ADARB2: variants seen among roughly 807,000 people sequenced by gnomAD.
The protein encoded by ADARB2 is adenosine deaminase RNA specific B2 (inactive), also known as inactive double-stranded RNA-specific editase B2.
Under a neutral mutation model 62.2 loss-of-function variants are expected in ADARB2, and 25 were observed. That is an observed-to-expected ratio of 0.40 (90% CI 0.29 to 0.56). ADARB2 has a LOEUF of 0.56. ADARB2 is among the 20% of genes least tolerant of loss of function. The pLI is 0.43. For synonymous variants in ADARB2, 572 were observed against 500.8 expected, an observed-to-expected ratio of 1.14 and a Z score of -1.90; for missense variants, 1,071 against 1,077.4, an observed-to-expected ratio of 0.99 and a Z score of 0.08.
In ADARB2 at chr10:1,310,391, A is replaced by G. The variant is rs1200497924; in HGVS notation, c.1078-39322T>C. Among the ~76,000 whole-genome samples the G allele has an allele frequency of 2.8e-5, 4 of 143,206 alleles. No homozygotes were observed. The South Asian group carries it at 8.4e-4, about 30-fold the overall frequency. The allele number at this position is 143,206 out of a possible 152,430, so 93.9% of individuals were successfully genotyped here. On this transcript the variant is annotated intron_variant, in intron 3 of 9. Coordinates refer to ENST00000381312, the MANE Select transcript of ADARB2 (RefSeq NM_018702.4). ...AAAAACTTCATTGACTCTGAATAAC[A>G]TTCCTTCATTGACTCTGAATAACAT...
chr10:1,656,799 G>T (rs1013463339), intron 1 of ADARB2, among the ~76,000 whole-genome samples: 7 of 152,030 alleles, frequency 4.6e-5, no homozygotes, highest in African/African-American at 1.7e-4. Context: ...ATATGGGAAG[G>T]TTATCTTAAA....
At chr10:1,220,231 A>ATGGTGGTGATAATGG in intron 6 of ADARB2, among the ~76,000 whole-genome samples, 1 of 113,758 alleles carries the variant, frequency 8.8e-6, no homozygotes, top group Admixed American at 9.1e-5. Flanking sequence ...GATGGTGATG[A>ATGGTGGTGATAATGG]TGGTGGTGAT....
intron 4 of ADARB2, among the ~76,000 whole-genome samples, chr10:1,258,086 T>C (rs143632147): frequency 3.3e-4 from 50 of 152,330 alleles, no homozygotes; most frequent in Middle Eastern, 3.4e-3. Flanking sequence ...TGAAGCTTCT[T>C]TCTTCCTTCT....
Position 1,255,651 on chromosome 10 carries a change from T to C in ADARB2, c.1193-13352A>G, listed in dbSNP as rs1233843735. Reference sequence around the variant, plus strand: ...TTCTCCAAACCTGATGGGCTGTCGGTGAGGTTAGAGGTAAGAGGGAGGAAA... The same window carrying C: ...TTCTCCAAACCTGATGGGCTGTCGGCGAGGTTAGAGGTAAGAGGGAGGAAA... On this transcript the variant is annotated intron_variant, in intron 4 of 9. Transcript: ENST00000381312. The surrounding 1 kb of genome is among the most constrained non-coding windows in gnomAD (Gnocchi z 4.7). Among the ~76,000 whole-genome samples the C allele has an allele frequency of 2.6e-5, 4 of 152,046 alleles. No homozygotes were observed. The highest frequency in any genetic ancestry group is 4.8e-5 in the African/African-American group (2 of 41,410).
chr10:1,428,039 C>T (rs547221957), intron 1 of ADARB2, among the ~76,000 whole-genome samples: 46 of 151,018 alleles, frequency 3.0e-4, no homozygotes, highest in Non-Finnish European at 5.5e-4. Flanking sequence ...ATCTTGATCT[C>T]GGCTCACTGC....
At chr10:1,375,192 A>C (rs138541647) in intron 2 of ADARB2, among the ~76,000 whole-genome samples, 1 of 152,330 alleles carries the variant, frequency 6.6e-6, no homozygotes, top group Non-Finnish European at 1.5e-5. Flanking sequence ...CCTTGGGCTC[A>C]GCTGGTCCTC....
At chr10:1,736,477 G>C (rs925281501) in intron 1 of ADARB2, among the ~76,000 whole-genome samples, 1 of 152,164 alleles carries the variant, frequency 6.6e-6, no homozygotes, top group Non-Finnish European at 1.5e-5. Context: ...CTGTTTTCCT[G>C]TATTCATTTC....
At chr10:1,505,797 C>T (rs528283901) in intron 1 of ADARB2, among the ~76,000 whole-genome samples, 8 of 152,312 alleles carry the variant, frequency 5.3e-5, no homozygotes, top group Admixed American at 2.0e-4. Context: ...CCGTCCCCAC[C>T]GTCTGCACTC....
rs17156784 is a variant in ADARB2, at chr10:1,711,995, T to C, written c.100+25056A>G. Among the ~76,000 whole-genome samples the C allele has an allele frequency of 0.014, 2,185 of 152,358 alleles. 139 individuals carry two copies. The East Asian group carries it at 0.18, about 13-fold the overall frequency. ...GCTTATTCATTTAATGTTAGATGGA[T>C]GTTGACTTTGGATTTTCCAGCCTTC... On this transcript the variant is annotated intron_variant, in intron 1 of 9. Coordinates refer to ENST00000381312, the MANE Select transcript of ADARB2 (RefSeq NM_018702.4).
intron 1 of ADARB2, among the ~76,000 whole-genome samples, chr10:1,399,824 A>G (rs979140569): frequency 3.3e-5 from 5 of 152,196 alleles, no homozygotes; most frequent in African/African-American, 1.2e-4. Flanking sequence ...TAATGAAACA[A>G]AGGGAAGAAA....
At chr10:1,427,196 G>A (rs778896544) in intron 1 of ADARB2, among the ~76,000 whole-genome samples, 21 of 152,364 alleles carry the variant, frequency 1.4e-4, no homozygotes, top group Non-Finnish European at 2.8e-4. Context: ...GTGATGCTGA[G>A]TACAATTCAT....
chr10:1,661,798 A>G (rs191671770), intron 1 of ADARB2, among the ~76,000 whole-genome samples: 199 of 152,262 alleles, frequency 1.3e-3, no homozygotes, highest in African/African-American at 4.6e-3. Context: ...ACTTTCACAC[A>G]CTTGCCCTAA....
At chr10:1,574,942 C>G (rs970007885) in intron 1 of ADARB2, among the ~76,000 whole-genome samples, 3 of 40,106 alleles carry the variant, frequency 7.5e-5, no homozygotes, top group African/African-American at 1.2e-4. Flanking sequence ...GCCAGGAGAT[C>G]CAGGGGCAGC....
intron 1 of ADARB2, among the ~76,000 whole-genome samples, chr10:1,437,721 G>A (rs560829018): frequency 1.4e-4 from 22 of 151,794 alleles, no homozygotes; most frequent in Non-Finnish European, 2.1e-4. Context: ...TTTGGACAGC[G>A]ATAGCGGGTC....
chr10:1,504,960 GACACAC>G (rs979110660), intron 1 of ADARB2, among the ~76,000 whole-genome samples: 1 of 151,264 alleles, frequency 6.6e-6, no homozygotes, highest in African/African-American at 2.4e-5. Flanking sequence ...AGACACACAT[GACACAC>G]ACAGACACAC....
intron 7 of ADARB2, among the ~76,000 whole-genome samples, chr10:1,206,373 G>A (rs1005556359): frequency 3.3e-5 from 5 of 151,832 alleles, no homozygotes; most frequent in South Asian, 2.1e-4. Flanking sequence ...GAACTGGGGC[G>A]TCTCCTTGAA....
chr10:1,206,916 T>A (rs192507475), intron 7 of ADARB2, among the ~76,000 whole-genome samples: 1 of 152,338 alleles, frequency 6.6e-6, no homozygotes, highest in East Asian at 1.9e-4. Context: ...TCTCAGGAGC[T>A]GTGGCCGAGG....
At chr10:1,195,082 C>A (rs554323385) in intron 8 of ADARB2, among the ~76,000 whole-genome samples, 1 of 152,202 alleles carries the variant, frequency 6.6e-6, no homozygotes, top group South Asian at 2.1e-4. Context: ...GGAGGCAGGC[C>A]GACCCGCCCC....
In ADARB2 at chr10:1,737,225, G is replaced by A; in HGVS notation, c.-75C>T. 1 of 1,493,290 alleles carries A rather than the reference G, an allele frequency of 6.7e-7. No individual in the cohort carries two copies. The highest frequency in any genetic ancestry group is 1.1e-5 in the South Asian group (1 of 88,664). 92.5% of individuals were successfully genotyped at this position (1,493,290 alleles called of 1,614,324 possible). On this transcript the variant is annotated 5_prime_UTR_variant, in exon 1 of 10. Transcript: ENST00000381312. ...ACCTGCCTCCTTCCCGGCAGCCGCC[G>A]CCGCCGCTGCTGCGAAGCTTGAGGT...
Sources: allele counts gnomAD v4.1 joint callset (sites outside exome capture counted in the v4.1 genomes callset), GRCh38; gene constraint gnomAD v4.1.1; non-coding constraint Gnocchi (gnomAD v3.1); transcripts MANE v1.5; gene names NCBI Gene and HGNC (gene_info 2026-07-23, HGNC 2026-07-21).